Variants in TNRC6A observed in about 807,000 individuals in gnomAD.
The protein encoded by TNRC6A is trinucleotide repeat containing adaptor 6A.
Under a neutral mutation model 221.2 loss-of-function variants are expected in TNRC6A, and 44 were observed. The ratio of observed to expected loss-of-function variants is 0.20; its 90% CI spans 0.16 to 0.26. The LOEUF is 0.26. Among genes scored for constraint, TNRC6A ranks in the 10% least tolerant of loss-of-function variants. The probability of loss-of-function intolerance (pLI) is 1.00; values close to 1 mark genes in which losing one functional copy is unlikely to be tolerated. For missense variants in TNRC6A, 2,199 were observed against 2,404.4 expected (o/e 0.91, Z 1.79); for synonymous variants, 847 against 838.5 (o/e 1.01, Z -0.18).
intron 2 of TNRC6A, among the ~76,000 whole-genome samples, chr16:24,668,647 G>C (rs2055225664): frequency 6.6e-6 from 1 of 152,114 alleles, no homozygotes; most frequent in Non-Finnish European, 1.5e-5. Flanking sequence ...GTCTGCTCTA[G>C]GGCCTACTTC....
At chr16:24,744,590 A>G (rs938225675) in intron 2 of TNRC6A, among the ~76,000 whole-genome samples, 1 of 152,184 alleles carries the variant, frequency 6.6e-6, no homozygotes, top group Non-Finnish European at 1.5e-5. Context: ...CGCTCAAATT[A>G]TGGTGCTAGT....
chr16:24,760,649 G>A (rs2057344004), intron 4 of TNRC6A, among the ~76,000 whole-genome samples: 1 of 152,078 alleles, frequency 6.6e-6, no homozygotes, highest in South Asian at 2.1e-4. Context: ...TATAGTTTGG[G>A]GTTCACATAG....
chr16:24,821,147 C>T (rs569890786), intron 22 of TNRC6A, among the ~76,000 whole-genome samples: 4 of 152,318 alleles, frequency 2.6e-5, no homozygotes, highest in Non-Finnish European at 5.9e-5. Flanking sequence ...CACTAAAGTA[C>T]GTGCCAAGCT....
chr16:24,654,537 T>C (rs1309265764), intron 2 of TNRC6A, among the ~76,000 whole-genome samples: 1 of 152,080 alleles, frequency 6.6e-6, no homozygotes, highest in Non-Finnish European at 1.5e-5. Context: ...AAACCCCGTC[T>C]ATACTTTAAA....
At chr16:24,771,267 C>T (rs1318549236) in intron 4 of TNRC6A, among the ~76,000 whole-genome samples, 1 of 152,036 alleles carries the variant, frequency 6.6e-6, no homozygotes, top group East Asian at 1.9e-4. Context: ...TTGGAGTTCT[C>T]AGTGTTTCAG....
intron 11 of TNRC6A, among the ~76,000 whole-genome samples, chr16:24,801,575 G>A (rs1014075052): frequency 6.7e-6 from 1 of 148,548 alleles, no homozygotes; most frequent in Non-Finnish European, 1.5e-5. Context: ...ACTGAGGCTG[G>A]AGTGCAGTGG....
chr16:24,713,173 C>T (rs1238441793), intron 2 of TNRC6A, among the ~76,000 whole-genome samples: 1 of 152,028 alleles, frequency 6.6e-6, no homozygotes, highest in Non-Finnish European at 1.5e-5. Flanking sequence ...AGTCCCAGCA[C>T]TTTGGGAGGC....
At chr16:24,721,980 T>C (rs2056417740) in intron 2 of TNRC6A, among the ~76,000 whole-genome samples, 1 of 152,172 alleles carries the variant, frequency 6.6e-6, no homozygotes, top group South Asian at 2.1e-4. Flanking sequence ...AAAAGCGGTT[T>C]CCTGGTGGTA....
chr16:24,639,189 A>T (rs1362859266), intron 1 of TNRC6A, among the ~76,000 whole-genome samples: 2 of 152,206 alleles, frequency 1.3e-5, no homozygotes, highest in Non-Finnish European at 2.9e-5. Context: ...TTTGTCATAG[A>T]AGATGAGAAA....
At chr16:24,808,210 A>C (rs2152010909) in intron 17 of TNRC6A, among the ~76,000 whole-genome samples, 1 of 152,340 alleles carries the variant, frequency 6.6e-6, no homozygotes, top group East Asian at 1.9e-4. Context: ...TTCCTATTTG[A>C]CTGCACACTT....
intron 1 of TNRC6A, among the ~76,000 whole-genome samples, chr16:24,638,302 C>T (rs1901746018): frequency 6.6e-6 from 1 of 152,100 alleles, no homozygotes; most frequent in Non-Finnish European, 1.5e-5. Flanking sequence ...CCTGTAGTCT[C>T]AGCCACTCAT....
intron 2 of TNRC6A, among the ~76,000 whole-genome samples, chr16:24,716,898 G>A (rs1157674896): frequency 3.3e-5 from 5 of 150,520 alleles, no homozygotes; most frequent in Admixed American, 2.7e-4. Flanking sequence ...CAGAGGTTGC[G>A]GTGAGCCAAG....
At chr16:24,750,975 G>A (rs895363864) in intron 3 of TNRC6A, among the ~76,000 whole-genome samples, 162 bp downstream of exon 3, 1 of 152,120 alleles carries the variant, frequency 6.6e-6, no homozygotes, top group Non-Finnish European at 1.5e-5. Context: ...AAAGTAACTT[G>A]CTGAGTTTGT....
At position 24,816,801 on chromosome 16, in the gene TNRC6A, A is replaced by T. The variant is rs1430216150; in HGVS notation, c.4832-15A>T. ...ATGATTAAGCTTTGAACTAATTTTAAATTTCCGTTTCCAGAATTTCGTCCT... is the reference window on the plus strand; with the variant it reads ...ATGATTAAGCTTTGAACTAATTTTATATTTCCGTTTCCAGAATTTCGTCCT... On this transcript the variant is annotated splice_polypyrimidine_tract_variant and intron_variant, in intron 19 of 24. Transcript: ENST00000395799. The T allele has an allele frequency of 1.0e-5, 16 of 1,600,350 alleles. No homozygotes were observed. The highest frequency in any genetic ancestry group is 1.4e-5 in the Non-Finnish European group (16 of 1,175,192).
At chr16:24,709,044 G>A (rs538034923) in intron 2 of TNRC6A, among the ~76,000 whole-genome samples, 1 of 152,094 alleles carries the variant, frequency 6.6e-6, no homozygotes, top group East Asian at 1.9e-4. Context: ...ATTGCCTGAG[G>A]TCGGGAGTTC....
upstream of TNRC6A, among the ~76,000 whole-genome samples, chr16:24,726,191 G>C (rs919410212): frequency 6.6e-6 from 1 of 152,002 alleles, no homozygotes; most frequent in Non-Finnish European, 1.5e-5. Flanking sequence ...GTTTAAATCT[G>C]AGAGTAATCT....
At chr16:24,676,338 C>A (rs2142029045) in intron 2 of TNRC6A, among the ~76,000 whole-genome samples, 1 of 151,994 alleles carries the variant, frequency 6.6e-6, no homozygotes, top group Middle Eastern at 3.4e-3. Flanking sequence ...GCTCTGTTGC[C>A]CAGGCTGGAG....
intron 4 of TNRC6A, among the ~76,000 whole-genome samples, chr16:24,774,569 AT>A (rs942090845): frequency 4.7e-5 from 7 of 149,916 alleles, no homozygotes; most frequent in Admixed American, 2.7e-4. Flanking sequence ...AACTGTCACA[AT>A]TTTTTTTTTA....
chr16:24,765,632 G>T (rs2057456439), intron 4 of TNRC6A, among the ~76,000 whole-genome samples: 1 of 152,080 alleles, frequency 6.6e-6, no homozygotes, highest in Non-Finnish European at 1.5e-5. Context: ...GTTCATACCG[G>T]TTAAGAATTT....
Sources: gnomAD v4.1 joint callset for allele counts (sites outside exome capture counted in the v4.1 genomes callset) on GRCh38, gnomAD v4.1.1 for gene constraint, MANE v1.5 for transcripts, NCBI Gene and HGNC (gene_info 2026-07-23, HGNC 2026-07-21) for gene names.